CNTN3: variants seen among roughly 807,000 people sequenced by gnomAD.
The protein encoded by CNTN3 is contactin 3.
Under a neutral mutation model 119.1 loss-of-function variants are expected in CNTN3, and 60 were observed. That is an observed-to-expected ratio of 0.50 (90% CI 0.41 to 0.62). The LOEUF (loss-of-function observed/expected upper bound fraction) is 0.62, where lower values mean the gene tolerates loss of function less well. Among genes scored for constraint, CNTN3 ranks in the 20% least tolerant of loss-of-function variants. The probability of loss-of-function intolerance (pLI) is 0.00; values close to 1 mark genes in which losing one functional copy is unlikely to be tolerated. For synonymous variants in CNTN3, 450 were observed against 438.7 expected, an observed-to-expected ratio of 1.03 and a Z score of -0.32; for missense variants, 1,101 against 1,242.4, an observed-to-expected ratio of 0.89 and a Z score of 1.71.
chr3:74,538,103 C>T (rs974760719), intron 1 of CNTN3, among the ~76,000 whole-genome samples: 4 of 150,192 alleles, frequency 2.7e-5, no homozygotes, highest in African/African-American at 9.8e-5. Flanking sequence ...TGCCCACCAA[C>T]AAAAAAAAAG....
chr3:74,499,537 T>C (rs889695617), intron 3 of CNTN3, 122 bp downstream of exon 3: 11 of 827,076 alleles, frequency 1.3e-5, no homozygotes, highest in African/African-American at 3.5e-5. Context: ...ATCATACAAC[T>C]ATAGCTTCAC....
rs531048815 is a variant in CNTN3 at position 74,410,916 on chromosome 3, T to C, written c.454+13929A>G. ...ATTTCATAATGATATAGTAAAGAAA[T>C]GACCCACTAACGTATCAATAAGTGA... On this transcript the variant is annotated intron_variant, in intron 5 of 22. Coordinates refer to ENST00000263665, the MANE Select transcript of CNTN3 (RefSeq NM_020872.3). 2.0e-5 allele frequency among the ~76,000 whole-genome samples: 3 copies of C among 152,260 alleles called. No homozygotes were observed. In the East Asian group the frequency reaches 5.8e-4, roughly 29 times the overall value.
chr3:74,460,135 A>G (rs1261531659), intron 4 of CNTN3, among the ~76,000 whole-genome samples: 2 of 152,058 alleles, frequency 1.3e-5, no homozygotes, highest in African/African-American at 2.4e-5. Context: ...TTCTCTACCA[A>G]CACAACACAG....
intron 1 of CNTN3, among the ~76,000 whole-genome samples, chr3:74,579,372 A>G (rs1704467767): frequency 6.6e-6 from 1 of 152,036 alleles, no homozygotes; most frequent in African/African-American, 2.4e-5. Flanking sequence ...CTCAAAAAAA[A>G]AAAAAGACAG....
intron 13 of CNTN3, among the ~76,000 whole-genome samples, chr3:74,311,738 A>T (rs1466337324): frequency 6.6e-6 from 1 of 152,216 alleles, no homozygotes; most frequent in Non-Finnish European, 1.5e-5. Flanking sequence ...AACTTAGAAG[A>T]TGTCACTCTC....
chr3:74,323,699 ATGATT>A (rs1184414637), intron 13 of CNTN3, among the ~76,000 whole-genome samples: 1 of 152,178 alleles, frequency 6.6e-6, no homozygotes, highest in East Asian at 1.9e-4. Flanking sequence ...CTCATTTGAT[ATGATT>A]TATTTGTTTA....
chr3:74,537,327 C>T (rs148648129), intron 1 of CNTN3, among the ~76,000 whole-genome samples: 234 of 152,208 alleles, frequency 1.5e-3, no homozygotes, highest in African/African-American at 5.3e-3. Context: ...GTAGTCGCCA[C>T]GCTTGGCTCC....
At chr3:74,366,780 G>GTGTATATATATATATATATATATATA (rs1447686332) in intron 8 of CNTN3, among the ~76,000 whole-genome samples, 7 of 63,704 alleles carry the variant, frequency 1.1e-4, no homozygotes, top group South Asian at 8.7e-4. Flanking sequence ...GTGTGTGTGT[G>GTGTATATATATATATATATATATATA]TATATATATA....
At chr3:74,581,311 A>G (rs549821064) in intron 1 of CNTN3, among the ~76,000 whole-genome samples, 6 of 152,342 alleles carry the variant, frequency 3.9e-5, no homozygotes, top group African/African-American at 1.4e-4. Flanking sequence ...CCAGTACATT[A>G]AAATCATTAG....
chr3:74,401,966 T>C (rs1671975172), intron 5 of CNTN3, among the ~76,000 whole-genome samples: 2 of 152,148 alleles, frequency 1.3e-5, no homozygotes. Flanking sequence ...AAGAATAAGC[T>C]CTGTAAAAGA....
chr3:74,551,609 C>T (rs1313558208), intron 1 of CNTN3, among the ~76,000 whole-genome samples: 1 of 152,040 alleles, frequency 6.6e-6, no homozygotes, highest in Non-Finnish European at 1.5e-5. Context: ...AAATCATCAG[C>T]ATCTCACCTA....
intron 1 of CNTN3, among the ~76,000 whole-genome samples, chr3:74,557,564 T>C (rs888703853): frequency 5.9e-5 from 9 of 152,028 alleles, no homozygotes; most frequent in African/African-American, 9.7e-5. Context: ...GCAATCCATA[T>C]GGGAAATTTC....
At chr3:74,472,975 T>C (rs554924735) in intron 4 of CNTN3, among the ~76,000 whole-genome samples, 10 of 152,224 alleles carry the variant, frequency 6.6e-5, no homozygotes, top group Admixed American at 2.0e-4. Context: ...CTGGGATTCA[T>C]CCTTAAAACT....
chr3:74,409,838 C>T (rs747476896), intron 5 of CNTN3, among the ~76,000 whole-genome samples: 32 of 152,188 alleles, frequency 2.1e-4, no homozygotes, highest in Admixed American at 1.6e-3. Flanking sequence ...TTTTACTTCC[C>T]GGAAAATGCC....
intron 13 of CNTN3, among the ~76,000 whole-genome samples, chr3:74,325,467 G>A (rs1351614771): frequency 6.6e-6 from 1 of 152,076 alleles, no homozygotes; most frequent in Non-Finnish European, 1.5e-5. Context: ...TGAGAGGTTG[G>A]GGGTAATGAG....
chr3:74,575,606 A>AACACACACACAC (rs71129762), intron 1 of CNTN3, among the ~76,000 whole-genome samples: 8,616 of 135,032 alleles, frequency 0.064, 440 homozygotes, highest in East Asian at 0.14. Context: ...AGTCTCTCCC[A>AACACACACACAC]ACACACACAC....
chr3:74,297,881 C>G, intron 18 of CNTN3, 76 bp downstream of exon 18: 1 of 1,108,136 alleles, frequency 9.0e-7, no homozygotes, highest in Admixed American at 2.1e-5. Context: ...GAAGTCAAAA[C>G]GAGACTCCAA....
intron 20 of CNTN3, among the ~76,000 whole-genome samples, chr3:74,281,728 ACT>A (rs1702015946): frequency 6.6e-6 from 1 of 152,060 alleles, no homozygotes; most frequent in East Asian, 1.9e-4. Flanking sequence ...CTCGAGGGTG[ACT>A]CTGAGATTTT....
At chr3:74,408,636 C>T (rs577713842) in intron 5 of CNTN3, among the ~76,000 whole-genome samples, 90 of 152,158 alleles carry the variant, frequency 5.9e-4, no homozygotes, top group Non-Finnish European at 9.9e-4. Context: ...TCCCAATTTA[C>T]GGCAGAGATT....
Sources: allele counts gnomAD v4.1 joint callset (sites outside exome capture counted in the v4.1 genomes callset), GRCh38; gene constraint gnomAD v4.1.1; transcripts MANE v1.5; gene names NCBI Gene and HGNC (gene_info 2026-07-23, HGNC 2026-07-21).